The following ZNF385D variants were observed in gnomAD, a reference collection of about 807,000 sequenced individuals.
The protein encoded by ZNF385D is zinc finger protein 385D.
A neutral mutation model predicts 35.8 loss-of-function variants in ZNF385D; 15 were observed. The observed-to-expected ratio is 0.42, with a 90% CI of 0.28 to 0.64. The LOEUF (loss-of-function observed/expected upper bound fraction) is 0.64. ZNF385D is among the 30% of genes least tolerant of loss of function. ZNF385D has a pLI of 0.23. For missense variants in ZNF385D, 474 were observed against 494.6 expected (o/e 0.96, Z 0.39); for synonymous variants, 212 against 186.8 (o/e 1.13, Z -1.10).
intron 3 of ZNF385D, among the ~76,000 whole-genome samples, chr3:22,158,825 A>G (rs1374330113): frequency 1.3e-5 from 2 of 152,052 alleles, no homozygotes; most frequent in Admixed American, 6.6e-5. Context: ...AGAATGCAAA[A>G]TAACTTGTTA....
intron 3 of ZNF385D, among the ~76,000 whole-genome samples, chr3:22,167,533 G>C (rs189759093): frequency 6.6e-6 from 1 of 152,266 alleles, no homozygotes; most frequent in East Asian, 1.9e-4. Context: ...AAGGGCTCAG[G>C]ACCCACCAAT....
intron 3 of ZNF385D, among the ~76,000 whole-genome samples, chr3:22,149,932 GAACT>G (rs2125717265): frequency 6.6e-6 from 1 of 152,164 alleles, no homozygotes; most frequent in South Asian, 2.1e-4. Flanking sequence ...TAAGCTCTCA[GAACT>G]TACTCTCTTG....
chr3:22,011,229 T>A (rs540157755), intron 3 of ZNF385D, among the ~76,000 whole-genome samples: 1 of 152,058 alleles, frequency 6.6e-6, no homozygotes, highest in African/African-American at 2.4e-5. Flanking sequence ...ATGAGAGAAA[T>A]TTATGGAAAT....
chr3:22,181,523 C>G (rs1294445180), intron 2 of ZNF385D, among the ~76,000 whole-genome samples: 1 of 151,896 alleles, frequency 6.6e-6, no homozygotes, highest in African/African-American at 2.4e-5. Context: ...GGTGAAACCC[C>G]CTCTCTACTA....
chr3:22,208,589 T>A (rs1697309478), intron 2 of ZNF385D, among the ~76,000 whole-genome samples: 1 of 151,730 alleles, frequency 6.6e-6, no homozygotes, highest in Non-Finnish European at 1.5e-5. Flanking sequence ...ACAAAAAGGA[T>A]AAATGCTTGA....
At chr3:22,224,743 C>T (rs1398848448) in intron 2 of ZNF385D, among the ~76,000 whole-genome samples, 1 of 152,172 alleles carries the variant, frequency 6.6e-6, no homozygotes, top group Admixed American at 6.5e-5. Context: ...GATAATGAAC[C>T]TTGGGACACC....
intron 3 of ZNF385D, among the ~76,000 whole-genome samples, chr3:21,525,731 C>T (rs1708186197): frequency 1.4e-5 from 2 of 143,880 alleles, no homozygotes; most frequent in African/African-American, 2.6e-5. Context: ...ACTTTGCAGA[C>T]ATTAAAAAAT....
intron 1 of ZNF385D, among the ~76,000 whole-genome samples, chr3:21,744,272 A>G (rs146021198): frequency 6.6e-6 from 1 of 152,348 alleles, no homozygotes; most frequent in Non-Finnish European, 1.5e-5. Flanking sequence ...ACAAATTGCT[A>G]TACAAGTGTA....
chr3:22,143,955 A>G (rs1704683338), intron 3 of ZNF385D, among the ~76,000 whole-genome samples: 2 of 152,210 alleles, frequency 1.3e-5, no homozygotes, highest in Non-Finnish European at 2.9e-5. Context: ...TTAAAAATGT[A>G]TAATAGGGGT....
chr3:22,108,917 C>T (rs1053335053), intron 3 of ZNF385D, among the ~76,000 whole-genome samples: 1 of 152,230 alleles, frequency 6.6e-6, no homozygotes, highest in African/African-American at 2.4e-5. Context: ...AAGGCTGAGG[C>T]AGGAGAATCG....
intron 3 of ZNF385D, among the ~76,000 whole-genome samples, chr3:22,150,206 C>A (rs998127572): frequency 6.6e-6 from 1 of 152,088 alleles, no homozygotes; most frequent in Admixed American, 6.6e-5. Flanking sequence ...TTAGGAAGAT[C>A]CTCCTTTCTT....
At chr3:21,933,903 A>T (rs1449599245) in intron 3 of ZNF385D, among the ~76,000 whole-genome samples, 4 of 151,718 alleles carry the variant, frequency 2.6e-5, no homozygotes, top group Admixed American at 6.6e-5. Flanking sequence ...GACTGCCAGG[A>T]ACATTGGATC....
At chr3:22,089,897 G>T (rs544175603) in intron 3 of ZNF385D, among the ~76,000 whole-genome samples, 49 of 152,224 alleles carry the variant, frequency 3.2e-4, no homozygotes, top group Admixed American at 7.2e-4. Flanking sequence ...GTGCTGCAGT[G>T]GCATGATCTT....
At chr3:22,269,475 A>T (rs1701064108) in intron 2 of ZNF385D, among the ~76,000 whole-genome samples, 1 of 151,908 alleles carries the variant, frequency 6.6e-6, no homozygotes, top group African/African-American at 2.4e-5. Flanking sequence ...CAGGGCTAGG[A>T]AACAGCCAAG....
rs181155931 is a variant in ZNF385D, at chr3:21,865,263, G to C, written c.326-200235C>G. On this transcript the variant is annotated intron_variant, in intron 3 of 5. Transcript: ENST00000494108. ...AATCTGCTATACACACTTACAAATAGATGGAATCAATACACAGTGGAATCT... is the reference window on the plus strand; with the variant it reads ...AATCTGCTATACACACTTACAAATACATGGAATCAATACACAGTGGAATCT... Among the ~76,000 whole-genome samples the C allele has an allele frequency of 2.8e-3, 425 of 151,790 alleles. 4 individuals are homozygous for C. Among genetic ancestry groups the C allele is most frequent in the African/African-American group, 9.9e-3 (409 of 41,422 alleles).
At chr3:21,855,476 C>T (rs1283146203) in intron 3 of ZNF385D, among the ~76,000 whole-genome samples, 2 of 152,028 alleles carry the variant, frequency 1.3e-5, no homozygotes, top group Non-Finnish European at 2.9e-5. Flanking sequence ...GGCATCTCTA[C>T]TGTTTTAATC....
intron 1 of ZNF385D, among the ~76,000 whole-genome samples, chr3:21,668,894 T>C (rs62237419): frequency 0.13 from 19,469 of 152,240 alleles, 1,356 homozygotes; most frequent in East Asian, 0.16. Context: ...ATTTTACTTA[T>C]CATAAAATTA....
At chr3:22,178,725 C>T (rs1320248531) in intron 2 of ZNF385D, among the ~76,000 whole-genome samples, 1 of 152,160 alleles carries the variant, frequency 6.6e-6, no homozygotes, top group Non-Finnish European at 1.5e-5. Flanking sequence ...TTAGGTCTAA[C>T]ATGTAAGTCT....
intron 2 of ZNF385D, among the ~76,000 whole-genome samples, chr3:22,282,068 T>C (rs1312627366): frequency 6.6e-6 from 1 of 152,106 alleles, no homozygotes; most frequent in Non-Finnish European, 1.5e-5. Context: ...CGATCCCTTG[T>C]ATTTCTGTGT....
Sources: gnomAD v4.1 joint callset for allele counts (sites outside exome capture counted in the v4.1 genomes callset) on GRCh38, gnomAD v4.1.1 for gene constraint, MANE v1.5 for transcripts, NCBI Gene and HGNC (gene_info 2026-07-23, HGNC 2026-07-21) for gene names.